The following RGS6 variants were observed in gnomAD, a reference collection of about 807,000 sequenced individuals.
RGS6 encodes the protein regulator of G-protein signaling 6.
In RGS6, 30 loss-of-function variants were observed where a neutral mutation model predicts 78.5. The observed-to-expected ratio is 0.38, with a 90% CI of 0.29 to 0.52. RGS6 has a LOEUF of 0.52. Ranked by LOEUF, RGS6 falls within the 20% of genes least tolerant of loss-of-function variation. The pLI, the probability that RGS6 is intolerant of heterozygous loss-of-function variation, is 0.85. For missense variants in RGS6, 495 were observed against 609.7 expected (o/e 0.81, Z 1.98); for synonymous variants, 206 against 206.0 (o/e 1.00, Z 0.00).
At chr14:72,157,410 GA>G (rs1424634114) in intron 2 of RGS6, among the ~76,000 whole-genome samples, 1 of 152,166 alleles carries the variant, frequency 6.6e-6, no homozygotes, top group Non-Finnish European at 1.5e-5. Context: ...TGAAACTAGG[GA>G]AAGTCTCTTG....
At chr14:71,948,740 CTT>C (rs71305831) in intron 1 of RGS6, among the ~76,000 whole-genome samples, 8,019 of 63,944 alleles carry the variant, frequency 0.13, 425 homozygotes, top group Middle Eastern at 0.2. Flanking sequence ...CTCTCTCTCT[CTT>C]TTTTTTTTTT....
chr14:72,403,357 C>T (rs908721084), intron 3 of RGS6, among the ~76,000 whole-genome samples: 1 of 152,168 alleles, frequency 6.6e-6, no homozygotes, highest in Non-Finnish European at 1.5e-5. Context: ...CACAGAAAGA[C>T]AAATACCATA....
intron 2 of RGS6, among the ~76,000 whole-genome samples, chr14:72,017,845 G>A (rs986890587): frequency 1.1e-4 from 17 of 152,052 alleles, no homozygotes; most frequent in African/African-American, 3.9e-4. Flanking sequence ...ATAGGTAAAT[G>A]TGTGCCATGG....
intron 2 of RGS6, among the ~76,000 whole-genome samples, chr14:72,026,014 A>G (rs548960031): frequency 1.3e-5 from 2 of 152,330 alleles, no homozygotes; most frequent in African/African-American, 4.8e-5. Flanking sequence ...ACCTCATCAC[A>G]TGAAGTTGAA....
At chr14:72,466,735 G>T (rs28496493) in intron 7 of RGS6, among the ~76,000 whole-genome samples, 31,315 of 152,158 alleles carry the variant, frequency 0.21, 4,685 homozygotes, top group African/African-American at 0.42. Context: ...GTAGGGAATT[G>T]TTGGAAGGTG....
At chr14:72,482,926 T>G (rs559116561) in intron 12 of RGS6, among the ~76,000 whole-genome samples, 5 of 152,316 alleles carry the variant, frequency 3.3e-5, no homozygotes, top group Non-Finnish European at 5.9e-5. Flanking sequence ...GTGTGAAAAG[T>G]CTTTTTTGTG....
At chr14:72,102,322 A>G (rs984252782) in intron 2 of RGS6, among the ~76,000 whole-genome samples, 1 of 152,224 alleles carries the variant, frequency 6.6e-6, no homozygotes, top group African/African-American at 2.4e-5. Flanking sequence ...ATTTACATAA[A>G]CAATATTAGT....
intron 3 of RGS6, among the ~76,000 whole-genome samples, chr14:72,444,170 T>A (rs909684734): frequency 5.9e-5 from 9 of 152,166 alleles, no homozygotes; most frequent in Admixed American, 5.9e-4. Context: ...TATGAGGTTA[T>A]GAATCAATTG....
At chr14:72,492,958 C>T (rs899173651) in intron 12 of RGS6, among the ~76,000 whole-genome samples, 1 of 152,162 alleles carries the variant, frequency 6.6e-6, no homozygotes, top group Non-Finnish European at 1.5e-5. Context: ...TATCTAGGCC[C>T]TGCAGAAAAA....
chr14:72,081,372 G>A (rs2094818383), intron 2 of RGS6, among the ~76,000 whole-genome samples: 1 of 152,034 alleles, frequency 6.6e-6, no homozygotes, highest in Non-Finnish European at 1.5e-5. Flanking sequence ...TTATCTTCTT[G>A]AGATCTTTTC....
At chr14:71,967,189 G>GTATATA (rs10571406) in intron 2 of RGS6, among the ~76,000 whole-genome samples, 5,313 of 145,690 alleles carry the variant, frequency 0.036, 112 homozygotes, top group Middle Eastern at 0.039. Flanking sequence ...TGTGTAAAGA[G>GTATATA]TATATATATA....
At chr14:72,094,482 A>G (rs56220001) in intron 2 of RGS6, among the ~76,000 whole-genome samples, 22,192 of 152,140 alleles carry the variant, frequency 0.15, 1,909 homozygotes, top group East Asian at 0.26. Flanking sequence ...GTATTTATAT[A>G]GGGATCTTAC....
intron 2 of RGS6, among the ~76,000 whole-genome samples, chr14:72,114,171 C>G (rs1171453567): frequency 2.2e-4 from 33 of 152,142 alleles, no homozygotes; most frequent in Admixed American, 2.2e-3. Flanking sequence ...GTGTGTCAGA[C>G]AGAGAGAGAG....
At chr14:72,425,112 T>C (rs990727979) in intron 3 of RGS6, among the ~76,000 whole-genome samples, 3 of 152,192 alleles carry the variant, frequency 2.0e-5, no homozygotes, top group Non-Finnish European at 2.9e-5. Flanking sequence ...GCAGAAACCA[T>C]AAAAGAAAGA....
At chr14:72,152,562 A>C (rs1296432301) in intron 2 of RGS6, among the ~76,000 whole-genome samples, 1 of 152,186 alleles carries the variant, frequency 6.6e-6, no homozygotes, top group Admixed American at 6.5e-5. Flanking sequence ...TGTTTTGTAA[A>C]CTAACAACAC....
At position 72,562,840 on chromosome 14, in the gene RGS6, T is replaced by C; in HGVS notation, c.*373T>C. ...TTATTATCCTCACTCCCTCGCTGTC[T>C]GGAGACGGTCACACCTTCTGGCAAA... On this transcript the variant is annotated 3_prime_UTR_variant, in exon 18 of 18. Coordinates refer to ENST00000553525, the MANE Select transcript of RGS6 (RefSeq NM_001204424.2). 1 of 1,290,696 alleles carries C rather than the reference T, an allele frequency of 7.7e-7. No individual in the cohort carries two copies. Among genetic ancestry groups the C allele is most frequent in the South Asian group, 1.3e-5 (1 of 78,998 alleles). The allele number at this position is 1,290,696 out of a possible 1,614,324, so 80.0% of individuals were successfully genotyped here. A position where few individuals can be genotyped will look rare whatever the true frequency, so the allele number is the denominator to read the frequency against.
intron 2 of RGS6, among the ~76,000 whole-genome samples, chr14:71,981,521 G>C (rs1336233538): frequency 4.0e-5 from 6 of 151,696 alleles, no homozygotes; most frequent in South Asian, 2.1e-4. Flanking sequence ...ACCCGGCCGT[G>C]TGAGGTGTCA....
intron 2 of RGS6, among the ~76,000 whole-genome samples, chr14:72,254,800 A>G (rs1319233126): frequency 6.6e-6 from 1 of 152,242 alleles, no homozygotes; most frequent in African/African-American, 2.4e-5. Flanking sequence ...CAGTCCCTGT[A>G]CAAGTCTGTG....
intron 3 of RGS6, among the ~76,000 whole-genome samples, chr14:72,405,139 CTG>C (rs1306460624): frequency 6.6e-6 from 1 of 152,114 alleles, no homozygotes; most frequent in Non-Finnish European, 1.5e-5. Context: ...GACTGGGTCG[CTG>C]TGCTAAGAAC....
Sources: gnomAD v4.1 joint callset for allele counts (sites outside exome capture counted in the v4.1 genomes callset) on GRCh38, gnomAD v4.1.1 for gene constraint, MANE v1.5 for transcripts, NCBI Gene and HGNC (gene_info 2026-07-23, HGNC 2026-07-21) for gene names.